SHISA9: variants seen among roughly 807,000 people sequenced by gnomAD.
The protein encoded by SHISA9 is shisa family member 9.
In SHISA9, 13 loss-of-function variants were observed where a neutral mutation model predicts 38.0. That is an observed-to-expected ratio of 0.34 (90% CI 0.22 to 0.54). The LOEUF (loss-of-function observed/expected upper bound fraction) is 0.54. Among genes scored for constraint, SHISA9 ranks in the 20% least tolerant of loss-of-function variants. SHISA9 has a pLI of 0.91. For missense variants in SHISA9, 538 were observed against 575.8 expected, an observed-to-expected ratio of 0.93 and a Z score of 0.67; for synonymous variants, 275 against 242.0, an observed-to-expected ratio of 1.14 and a Z score of -1.27.
chr16:13,382,844 C>T, the SHISA9 span, among the ~76,000 whole-genome samples: 1 of 151,990 alleles, frequency 6.6e-6, no homozygotes, highest in African/African-American at 2.4e-5. Context: ...GGTGATAGAG[C>T]GAGACTCTGT....
intron 2 of SHISA9, among the ~76,000 whole-genome samples, chr16:12,935,361 G>C (rs2071515390): frequency 1.3e-5 from 2 of 152,152 alleles, no homozygotes; most frequent in Non-Finnish European, 2.9e-5. Flanking sequence ...CCAACATCTA[G>C]ATGCTGCTGA....
chr16:13,121,548 T>C (rs1424116067), intron 2 of SHISA9, among the ~76,000 whole-genome samples: 1 of 152,196 alleles, frequency 6.6e-6, no homozygotes, highest in Non-Finnish European at 1.5e-5. Flanking sequence ...AATCTTATAT[T>C]ACTTTTTTAA....
chr16:13,480,136 G>T, the SHISA9 span, among the ~76,000 whole-genome samples: 2 of 152,150 alleles, frequency 1.3e-5, no homozygotes, highest in Non-Finnish European at 2.9e-5. Flanking sequence ...TTGGTGTGCG[G>T]TGTAGTGGGC....
chr16:12,979,654 T>G (rs2072214339), intron 2 of SHISA9, among the ~76,000 whole-genome samples: 1 of 152,224 alleles, frequency 6.6e-6, no homozygotes, highest in Admixed American at 6.5e-5. Context: ...CTGTATATTA[T>G]CCTTTGGAAT....
chr16:13,397,825 C>T, the SHISA9 span, among the ~76,000 whole-genome samples: 32 of 152,332 alleles, frequency 2.1e-4, no homozygotes, highest in African/African-American at 7.7e-4. Context: ...AGAGGGCTTT[C>T]TGTATCCCAG....
At chr16:13,062,792 A>G (rs276626) in intron 2 of SHISA9, among the ~76,000 whole-genome samples, 40,933 of 151,960 alleles carry the variant, frequency 0.27, 6,817 homozygotes, top group African/African-American at 0.47. Flanking sequence ...GATTTTTAAA[A>G]CTGTTGCATT....
In SHISA9 at chr16:13,158,901, A is replaced by AAG. The variant is rs1388996891; in HGVS notation, c.692-44492_692-44491insGA. On this transcript the variant is annotated intron_variant, in intron 2 of 4. Transcript: ENST00000558583. ...GTAACCCCATCTCTACTAAAAAAAA[A>AAG]AAAAAAAAATTAGCTGGGCATGGTG... 2.5e-3 allele frequency among the ~76,000 whole-genome samples: 382 copies of AAG among 151,180 alleles called. 3 individuals carry two copies. Among genetic ancestry groups the AAG allele is most frequent in the African/African-American group, 8.8e-3 (361 of 41,222 alleles).
chr16:13,059,147 A>G (rs1170168474), intron 2 of SHISA9, among the ~76,000 whole-genome samples: 2 of 60,982 alleles, frequency 3.3e-5, no homozygotes, highest in African/African-American at 1.5e-4. Flanking sequence ...TTTTTTTTTG[A>G]GACAGAGTCT....
chr16:13,184,999 C>G (rs893133503), intron 2 of SHISA9, among the ~76,000 whole-genome samples: 2 of 152,090 alleles, frequency 1.3e-5, no homozygotes, highest in Admixed American at 6.6e-5. Flanking sequence ...TAAAAAGAAA[C>G]TATTTTCCCA....
the SHISA9 span, among the ~76,000 whole-genome samples, chr16:13,444,982 C>CTATATATATATATA: frequency 4.0e-4 from 42 of 106,304 alleles, no homozygotes; most frequent in Non-Finnish European, 4.7e-4. Context: ...CCATGCCTAG[C>CTATATATATATATA]TATATATATA....
chr16:13,013,640 G>A (rs933383382), intron 2 of SHISA9, among the ~76,000 whole-genome samples: 2 of 152,170 alleles, frequency 1.3e-5, no homozygotes, highest in African/African-American at 4.8e-5. Context: ...CACCCATGAG[G>A]CATCACTGTC....
the SHISA9 span, among the ~76,000 whole-genome samples, chr16:13,434,522 A>G: frequency 2.4e-4 from 35 of 148,076 alleles, no homozygotes; most frequent in African/African-American, 8.3e-4. Flanking sequence ...GGTTCACACC[A>G]TTCTCCTGCC....
At position 13,085,356 on chromosome 16, in the gene SHISA9, A is replaced by AT. The variant is rs369334480; in HGVS notation, c.692-118038_692-118037insT. 3.9e-4 allele frequency among the ~76,000 whole-genome samples: 59 copies of AT among 152,052 alleles called. No homozygotes were observed. The East Asian group carries it at 0.011, about 28-fold the overall frequency. ...GTCTAAAGGATTAGACAAAAAAAAA[A>AT]GGAAGAGCTCCAACATAGATATAGG... On this transcript the variant is annotated intron_variant, in intron 2 of 4. Transcript: ENST00000558583.
At chr16:12,907,182 T>TTCCCTCCCTCCG (rs1285871747) in intron 1 of SHISA9, among the ~76,000 whole-genome samples, 2 of 98,664 alleles carry the variant, frequency 2.0e-5, no homozygotes, top group African/African-American at 8.0e-5. Context: ...CCTTCCACCC[T>TTCCCTCCCTCCG]TCCCTCCCTC....
At chr16:13,306,888 T>C in the SHISA9 span, among the ~76,000 whole-genome samples, 1 of 152,226 alleles carries the variant, frequency 6.6e-6, no homozygotes, top group Admixed American at 6.5e-5. Flanking sequence ...TGTGTATATA[T>C]ACACATTATG....
At chr16:13,402,512 CTTTT>C in the SHISA9 span, among the ~76,000 whole-genome samples, 1 of 125,286 alleles carries the variant, frequency 8.0e-6, no homozygotes, top group Non-Finnish European at 1.7e-5. Flanking sequence ...AGAGGGTGGT[CTTTT>C]TTTTTTTTTT....
At chr16:13,101,202 C>T (rs997658330) in intron 2 of SHISA9, among the ~76,000 whole-genome samples, 4 of 152,130 alleles carry the variant, frequency 2.6e-5, no homozygotes, top group Non-Finnish European at 5.9e-5. Context: ...GCCATGTGAC[C>T]ATTGCTAACA....
At chr16:13,519,988 G>A in the SHISA9 span, among the ~76,000 whole-genome samples, 1 of 152,106 alleles carries the variant, frequency 6.6e-6, no homozygotes, top group Non-Finnish European at 1.5e-5. Flanking sequence ...CCTAAAAACA[G>A]TAAGCTCTCT....
At chr16:13,179,795 C>T (rs1216857725) in intron 2 of SHISA9, among the ~76,000 whole-genome samples, 3 of 152,220 alleles carry the variant, frequency 2.0e-5, no homozygotes, top group African/African-American at 7.2e-5. Flanking sequence ...GGGAGCAGAT[C>T]AGAATCCAAA....
Sources: allele counts gnomAD v4.1 joint callset (sites outside exome capture counted in the v4.1 genomes callset), GRCh38; gene constraint gnomAD v4.1.1; transcripts MANE v1.5; gene names NCBI Gene and HGNC (gene_info 2026-07-23, HGNC 2026-07-21).